The following ABHD2 variants were observed in gnomAD, a reference collection of about 807,000 sequenced individuals.
ABHD2 encodes the protein monoacylglycerol lipase ABHD2.
ABHD2 carries 20 observed loss-of-function variants against 48.1 expected under a neutral mutation model. That is an observed-to-expected ratio of 0.42 (90% confidence interval 0.29 to 0.60). The LOEUF (loss-of-function observed/expected upper bound fraction) is 0.60. ABHD2 is among the 20% of genes least tolerant of loss of function. The pLI is 0.24. For synonymous variants in ABHD2, 209 were observed against 214.2 expected, an observed-to-expected ratio of 0.98 and a Z score of 0.21; for missense variants, 405 against 550.9, an observed-to-expected ratio of 0.74 and a Z score of 2.65.
chr15:89,136,394 A>T, intron 3 of ABHD2: 1 of 520,652 alleles, frequency 1.9e-6, no homozygotes, highest in Non-Finnish European at 3.8e-6. Flanking sequence ...AGTTGACTGA[A>T]GCATCTGGAT....
At chr15:89,142,467 C>G (rs2050419421) in intron 3 of ABHD2, among the ~76,000 whole-genome samples, 1 of 152,204 alleles carries the variant, frequency 6.6e-6, no homozygotes, top group East Asian at 1.9e-4. Flanking sequence ...CCAGGTTTCA[C>G]TCCGGGTGAC....
intron 3 of ABHD2, among the ~76,000 whole-genome samples, chr15:89,142,224 T>C (rs937831321): frequency 6.2e-4 from 94 of 152,182 alleles, no homozygotes; most frequent in African/African-American, 2.1e-3. Flanking sequence ...TTTCACAAAA[T>C]TGTCATTGAA....
intron 1 of ABHD2, among the ~76,000 whole-genome samples, chr15:89,110,331 G>C (rs570562962): frequency 1.3e-5 from 2 of 152,118 alleles, no homozygotes; most frequent in East Asian, 3.9e-4. Flanking sequence ...AAAGTGCTAG[G>C]ATTACAGGCG....
intron 3 of ABHD2, among the ~76,000 whole-genome samples, chr15:89,133,176 A>G (rs1011460106): frequency 2.6e-5 from 4 of 152,032 alleles, no homozygotes; most frequent in Admixed American, 1.3e-4. Context: ...TTATCCTTCC[A>G]TCTTTTCTTT....
intron 6 of ABHD2, among the ~76,000 whole-genome samples, chr15:89,180,267 GT>G: frequency 1.3e-5 from 2 of 152,136 alleles, no homozygotes; most frequent in Middle Eastern, 3.4e-3. Context: ...CTTTTTGTGG[GT>G]TTTTTTGTTG....
intron 5 of ABHD2, among the ~76,000 whole-genome samples, chr15:89,170,028 C>CTTGTTT (rs1406300845): frequency 7.1e-6 from 1 of 141,298 alleles, no homozygotes; most frequent in African/African-American, 2.7e-5. Context: ...TGTTTCACCC[C>CTTGTTT]TTGTTTTTAT....
chr15:89,086,359 C>A (rs926304347), upstream of ABHD2, among the ~76,000 whole-genome samples: 2 of 152,112 alleles, frequency 1.3e-5, no homozygotes, highest in African/African-American at 4.8e-5. Context: ...TTTTAATTGA[C>A]AAAATTTGTA....
chr15:89,071,708 A>G, the ABHD2 span, among the ~76,000 whole-genome samples: 27 of 152,128 alleles, frequency 1.8e-4, no homozygotes, highest in Non-Finnish European at 1.5e-5. Flanking sequence ...TGGGTTGGCC[A>G]CTCCCAGATT....
Position 89,114,576 on chromosome 15 carries a change from G to A in ABHD2, c.-7+752G>A, listed in dbSNP as rs1247775972. ...TGGCTCACTGCAACCTATGCTTTCC[G>A]GGTTCAAGTGATCCTCCTGCCTCAG... On this transcript the variant is annotated intron_variant, in intron 2 of 10. Transcript: ENST00000352732. This position sits in a 1 kb window ranked among gnomAD's most constrained non-coding sequence, Gnocchi z 4.2. Among the ~76,000 whole-genome samples the A allele has an allele frequency of 1.3e-5, 2 of 152,096 alleles. No individual in the cohort carries two copies. Among genetic ancestry groups the A allele is most frequent in the Admixed American group, 6.5e-5 (1 of 15,272 alleles).
intron 3 of ABHD2, among the ~76,000 whole-genome samples, chr15:89,121,962 G>A (rs935088241): frequency 2.6e-5 from 4 of 152,114 alleles, no homozygotes; most frequent in Non-Finnish European, 5.9e-5. Context: ...AAGTAGCTGG[G>A]ACTACAGGTG....
chr15:89,054,869 A>C, the ABHD2 span, among the ~76,000 whole-genome samples: 1 of 152,144 alleles, frequency 6.6e-6, no homozygotes, highest in African/African-American at 2.4e-5. Context: ...ACATTTTTCT[A>C]AATAAATTAA....
At chr15:89,093,033 A>G (rs1901656953) in intron 1 of ABHD2, among the ~76,000 whole-genome samples, 1 of 151,368 alleles carries the variant, frequency 6.6e-6, no homozygotes, top group African/African-American at 2.5e-5. Context: ...TGAGGAACGC[A>G]TTGGTCCTTG....
intron 1 of ABHD2, among the ~76,000 whole-genome samples, chr15:89,089,667 C>T (rs1004021131): frequency 6.6e-6 from 1 of 152,160 alleles, no homozygotes; most frequent in African/African-American, 2.4e-5. Flanking sequence ...AAGATCTGTG[C>T]CCAGAGCTTT....
At chr15:89,147,511 G>A (rs1338851786) in intron 3 of ABHD2, among the ~76,000 whole-genome samples, 1 of 151,376 alleles carries the variant, frequency 6.6e-6, no homozygotes, top group African/African-American at 2.4e-5. Flanking sequence ...CCGCCACCAC[G>A]CCCGGCTAAT....
intron 3 of ABHD2, among the ~76,000 whole-genome samples, chr15:89,144,530 T>C: frequency 6.6e-6 from 1 of 152,222 alleles, no homozygotes; most frequent in East Asian, 1.9e-4. Flanking sequence ...GAATTACTGA[T>C]AACATGTTGC....
At chr15:89,067,310 T>G in the ABHD2 span, among the ~76,000 whole-genome samples, 354 of 152,348 alleles carry the variant, frequency 2.3e-3, 2 homozygotes, top group East Asian at 0.02. Context: ...TGTGACAGTT[T>G]AGCATTTTCT....
At chr15:89,045,045 G>A in the ABHD2 span, among the ~76,000 whole-genome samples, 28 of 152,164 alleles carry the variant, frequency 1.8e-4, no homozygotes, top group Middle Eastern at 3.4e-3. Context: ...TAGGTCTAAC[G>A]TTTAAGTCTT....
At chr15:89,149,867 G>A (rs1262900941) in intron 3 of ABHD2, among the ~76,000 whole-genome samples, 2 of 152,182 alleles carry the variant, frequency 1.3e-5, no homozygotes, top group Non-Finnish European at 2.9e-5. Flanking sequence ...TGGAGGGTGG[G>A]GGCCAGGCTT....
At chr15:89,045,768 G>A in the ABHD2 span, among the ~76,000 whole-genome samples, 22 of 152,248 alleles carry the variant, frequency 1.4e-4, no homozygotes, top group Non-Finnish European at 2.6e-4. Context: ...CTTTGCTGAA[G>A]TTGCTTATCA....
Sources: allele counts gnomAD v4.1 joint callset (sites outside exome capture counted in the v4.1 genomes callset), GRCh38; gene constraint gnomAD v4.1.1; non-coding constraint Gnocchi (gnomAD v3.1); transcripts MANE v1.5; gene names NCBI Gene and HGNC (gene_info 2026-07-23, HGNC 2026-07-21).